Variants in TTK observed in about 807,000 individuals in gnomAD.
The protein encoded by TTK is dual specificity protein kinase TTK.
A neutral mutation model predicts 117.3 loss-of-function variants in TTK; 59 were observed. The ratio of observed to expected loss-of-function variants is 0.50; its 90% confidence interval spans 0.41 to 0.62. TTK has a LOEUF of 0.62. Among genes scored for constraint, TTK ranks in the 20% least tolerant of loss-of-function variants. The probability of loss-of-function intolerance (pLI) is 0.00; values close to 1 mark genes in which losing one functional copy is unlikely to be tolerated. For synonymous variants in TTK, 302 were observed against 325.0 expected (o/e 0.93, Z 0.76); for missense variants, 921 against 989.4 (o/e 0.93, Z 0.93).
chr6:80,010,314 TC>T (rs1346518997), intron 4 of TTK, among the ~76,000 whole-genome samples: 1 of 151,778 alleles, frequency 6.6e-6, no homozygotes, highest in Non-Finnish European at 1.5e-5. Flanking sequence ...ATTATGTTTT[TC>T]CCCGAAAATC....
chr6:80,039,795 T>G lies in TTK; in HGVS notation c.2230T>G (p.Leu744Val), dbSNP rs757376723. 1 of 1,587,252 alleles carries G rather than the reference T, an allele frequency of 6.3e-7. No individual in the cohort carries two copies. The highest frequency in any genetic ancestry group is 1.8e-5 in the Admixed American group (1 of 56,364). The change falls in exon 19 of 22, where the codon TTA (leucine) becomes GTA (valine). Residue 744 changes from leucine to valine, a missense_variant. Physicochemically the swap from Leu to Val is conservative, Grantham distance 32. Coordinates refer to ENST00000369798, the MANE Select transcript of TTK (RefSeq NM_003318.5). The part of the protein sequence containing the change: ...FQQIINQISK[L>V]HAIIDPNHEI... ...GCAGATAATTAATCAGATTTCTAAA[T>G]TACATGCCATAATTGATCCTAATCA...
intron 4 of TTK, 138 bp downstream of exon 4, chr6:80,008,630 A>T: frequency 1.6e-6 from 1 of 619,534 alleles, no homozygotes; most frequent in Non-Finnish European, 2.6e-6. Context: ...ATATGGGGAG[A>T]AAATGCCACC....
chr6:80,030,976 C>T (rs1389427405), intron 13 of TTK, among the ~76,000 whole-genome samples: 1 of 148,512 alleles, frequency 6.7e-6, no homozygotes, highest in African/African-American at 2.5e-5. Flanking sequence ...TCCTGGGAGG[C>T]AGAGGGTGCA....
At chr6:80,040,159 G>A (rs768849698) in intron 19 of TTK, 37 bp from the exon 20 acceptor site, 2 of 1,463,078 alleles carry the variant, frequency 1.4e-6, no homozygotes, top group South Asian at 1.5e-5. Context: ...ATGAAAACCT[G>A]CTTTGTTTTT....
chr6:80,018,771 A>T (rs916668402), intron 10 of TTK, among the ~76,000 whole-genome samples: 1 of 151,568 alleles, frequency 6.6e-6, no homozygotes, highest in African/African-American at 2.4e-5. Context: ...CTCATTCCTT[A>T]TTTTAAGGGA....
rs186870241 is a variant in TTK at position 80,016,209 on chromosome 6, G to C, written c.1108+1623G>C. 3.0e-3 allele frequency among the ~76,000 whole-genome samples: 461 copies of C among 152,248 alleles called. 7 individuals are homozygous for C. Among genetic ancestry groups the C allele is most frequent in the South Asian group, 0.029 (141 of 4,826 alleles). On this transcript the variant is annotated intron_variant, in intron 10 of 21. Coordinates refer to ENST00000369798, the MANE Select transcript of TTK (RefSeq NM_003318.5). ...TTTTGGTGTCTTTTGATTCACATAT[G>C]TACAAATTTCTATTGAGTGTATTCC...
chr6:80,014,703 A>G (rs1309320643), intron 10 of TTK, 117 bp downstream of exon 10: 2 of 1,116,068 alleles, frequency 1.8e-6, no homozygotes, highest in African/African-American at 1.6e-5. Context: ...ATGTTCTTTT[A>G]TCTTGAATTT....
chr6:80,019,067 T>A (rs1176160665), intron 10 of TTK, among the ~76,000 whole-genome samples: 1 of 152,232 alleles, frequency 6.6e-6, no homozygotes, highest in East Asian at 1.9e-4. Context: ...ATCTCCTTTG[T>A]CTATCAATTG....
In TTK at chr6:80,007,033, A is replaced by T. The variant is rs1021267040; in HGVS notation, c.140-776A>T. ...AGACTGACATTCAAGTTATCTTTTT[A>T]AAAAACTAACACTGAAGAAAGTAAA... On this transcript the variant is annotated intron_variant, in intron 2 of 21. Transcript: ENST00000369798. 3.3e-5 allele frequency among the ~76,000 whole-genome samples: 5 copies of T among 152,188 alleles called. No individual in the cohort carries two copies. The East Asian group carries it at 9.6e-4, about 29-fold the overall frequency.
In TTK at chr6:80,006,148, C is replaced by A. The variant is rs377275832; in HGVS notation, c.139+166C>A. The A allele has an allele frequency of 1.1e-4, 90 of 848,206 alleles. 1 individual carries two copies. In the African/African-American group the frequency reaches 1.4e-3, roughly 13 times the overall value. The allele number at this position is 848,206 out of a possible 1,614,324, so 52.5% of individuals were successfully genotyped here. A position where few individuals can be genotyped will look rare whatever the true frequency, so the allele number is the denominator to read the frequency against. On this transcript the variant is annotated intron_variant, in intron 2 of 21. Coordinates refer to ENST00000369798, the MANE Select transcript of TTK (RefSeq NM_003318.5). ...GCAGGGTTTTTGTCTGTTATATCCA[C>A]AGAACTTTGAATGGTGTCTGGCACA...
In TTK at chr6:80,013,258, AT is replaced by A; in HGVS notation, c.897-17del. The A allele has an allele frequency of 6.4e-7, 1 of 1,564,504 alleles. No individual in the cohort carries two copies. Among genetic ancestry groups the A allele is most frequent in the Non-Finnish European group, 8.6e-7 (1 of 1,160,902 alleles). On this transcript the variant is annotated intron_variant, in intron 8 of 21. Coordinates refer to ENST00000369798, the MANE Select transcript of TTK (RefSeq NM_003318.5). Reference sequence around the variant, plus strand: ...TTTTTTCAAATTTAATGTTAAAATTATTTTGTTTCACGGGTAAAAGACAAAC... The same window carrying A: ...TTTTTTCAAATTTAATGTTAAAATTATTTGTTTCACGGGTAAAAGACAAAC...
chr6:80,026,247 C>T lies in TTK; in HGVS notation c.1258-131C>T. ...TGAAAGTCTAAAATGTATATATATG[C>T]CTATCTCTTTTAGTATGCCTTTGTA... On this transcript the variant is annotated intron_variant, in intron 11 of 21. Transcript: ENST00000369798. 4 of 898,058 alleles carry T rather than the reference C, an allele frequency of 4.5e-6. No individual in the cohort carries two copies. In the South Asian group the frequency reaches 6.3e-5, roughly 14 times the overall value. The allele number at this position is 898,058 out of a possible 1,614,324, so 55.6% of individuals were successfully genotyped here.
At chr6:80,021,388 G>A (rs1006197997) in intron 10 of TTK, among the ~76,000 whole-genome samples, 6 of 152,198 alleles carry the variant, frequency 3.9e-5, no homozygotes, top group Admixed American at 3.9e-4. Flanking sequence ...TTGGAAACCA[G>A]GCGTACAGGC....
chr6:80,022,248 A>G (rs1202873018), intron 10 of TTK, 76 bp from the exon 11 acceptor site: 4 of 1,447,538 alleles, frequency 2.8e-6, no homozygotes, highest in Non-Finnish European at 3.7e-6. Flanking sequence ...ATAGTTTGTA[A>G]TATGTTCTGT....
chr6:80,007,705 T>C, intron 2 of TTK, 104 bp from the exon 3 acceptor site: 1 of 874,578 alleles, frequency 1.1e-6, no homozygotes, highest in South Asian at 1.9e-5. Context: ...TTTATGTACA[T>C]TGATACTGAC....
chr6:80,015,284 T>C (rs971113751), intron 10 of TTK, among the ~76,000 whole-genome samples: 1 of 152,184 alleles, frequency 6.6e-6, no homozygotes, highest in Non-Finnish European at 1.5e-5. Context: ...CTGCAGACTG[T>C]AACATGGGTA....
Position 80,022,407 on chromosome 6 carries a change from C to G in TTK, c.1192C>G (p.Gln398Glu). Residue 398 changes from glutamine to glutamate, a missense_variant, in exon 11 of 22, where the codon CAG becomes GAG. Physicochemically the swap from Gln to Glu is conservative, Grantham distance 29 (BLOSUM62 2). Transcript: ENST00000369798. ...QSKRKSECIN[Q>E]NPAASSNHWQ... Reference sequence around the variant, plus strand: ...TAAGAGAAAGTCAGAGTGTATTAACCAGAATCCTGCTGCATCTTCAAATCA... The same window carrying G: ...TAAGAGAAAGTCAGAGTGTATTAACGAGAATCCTGCTGCATCTTCAAATCA... 1 of 1,613,928 alleles carries G rather than the reference C, an allele frequency of 6.2e-7. No homozygotes were observed. Among genetic ancestry groups the G allele is most frequent in the Admixed American group, 1.7e-5 (1 of 59,998 alleles).
chr6:80,036,585 G>T lies in TTK; in HGVS notation c.2035G>T (p.Val679Phe), dbSNP rs185300112. 1.1e-5 allele frequency: 18 copies of T among 1,608,606 alleles called. No homozygotes were observed. The highest frequency in any genetic ancestry group is 6.7e-5 in the African/African-American group (5 of 74,812). ...NQMQPDTTSV[V>F]KDSQVGTVNY... Reference sequence around the variant, plus strand: ...AATGCAACCAGATACAACAAGTGTTGTTAAAGATTCTCAGGTAAGACTTAA... The same window carrying T: ...AATGCAACCAGATACAACAAGTGTTTTTAAAGATTCTCAGGTAAGACTTAA... The change falls in exon 17 of 22, where the codon GTT becomes TTT. Residue 679 changes from valine (V) to phenylalanine (F), a missense_variant. Physicochemically the swap from Val to Phe is conservative, Grantham distance 50. Transcript: ENST00000369798.
At chr6:80,027,296 A>G (rs1183692552) in intron 12 of TTK, among the ~76,000 whole-genome samples, 3 of 152,230 alleles carry the variant, frequency 2.0e-5, no homozygotes, top group Non-Finnish European at 4.4e-5. Flanking sequence ...TATTATATGT[A>G]GAATATTCTA....
Sources: allele counts gnomAD v4.1 joint callset (sites outside exome capture counted in the v4.1 genomes callset), GRCh38; gene constraint gnomAD v4.1.1; transcripts MANE v1.5; gene names NCBI Gene and HGNC (gene_info 2026-07-23, HGNC 2026-07-21).